Variants in SMOC2 observed in about 807,000 individuals in gnomAD.
SMOC2 encodes the protein SPARC related modular calcium binding 2.
Under a neutral mutation model 61.4 loss-of-function variants are expected in SMOC2, and 39 were observed. That is an observed-to-expected ratio of 0.64 (90% confidence interval 0.49 to 0.83). SMOC2 has a LOEUF of 0.83. SMOC2 is among the 40% of genes least tolerant of loss of function. The pLI is 0.00. For synonymous variants in SMOC2, 247 were observed against 239.9 expected (o/e 1.03, Z -0.27); for missense variants, 556 against 592.9 (o/e 0.94, Z 0.65).
chr6:168,539,289 G>A (rs933437384), intron 4 of SMOC2, among the ~76,000 whole-genome samples: 2 of 152,112 alleles, frequency 1.3e-5, no homozygotes, highest in Admixed American at 1.3e-4. Flanking sequence ...AGCCAGAGAG[G>A]CACCTGTTTG....
intron 8 of SMOC2, among the ~76,000 whole-genome samples, chr6:168,604,946 G>A (rs1191457577): frequency 1.3e-5 from 2 of 152,124 alleles, no homozygotes; most frequent in Admixed American, 6.5e-5. Flanking sequence ...GTCAAAATTG[G>A]CATCTTCGTC....
At chr6:168,470,469 G>A (rs1781945593) in intron 1 of SMOC2, among the ~76,000 whole-genome samples, 2 of 152,086 alleles carry the variant, frequency 1.3e-5, no homozygotes, top group Admixed American at 1.3e-4. Context: ...GAGTTCAAGA[G>A]TTTGAGACCA....
intron 9 of SMOC2, among the ~76,000 whole-genome samples, chr6:168,623,760 T>C (rs1210595023): frequency 6.6e-6 from 1 of 152,174 alleles, no homozygotes; most frequent in Non-Finnish European, 1.5e-5. Flanking sequence ...CCATCTAGTC[T>C]GGACAACATA....
At chr6:168,591,875 G>A (rs1266642058) in intron 7 of SMOC2, among the ~76,000 whole-genome samples, 1 of 151,980 alleles carries the variant, frequency 6.6e-6, no homozygotes, top group Non-Finnish European at 1.5e-5. Context: ...TATTGCAATA[G>A]GGATTTTGTA....
chr6:168,648,233 T>A (rs867452387), intron 9 of SMOC2, among the ~76,000 whole-genome samples: 1 of 152,216 alleles, frequency 6.6e-6, no homozygotes, highest in Non-Finnish European at 1.5e-5. Flanking sequence ...TGGAGGCCAG[T>A]GGAGGACTGG....
intron 1 of SMOC2, among the ~76,000 whole-genome samples, chr6:168,463,393 A>C (rs1781757104): frequency 2.0e-5 from 3 of 152,188 alleles, no homozygotes. Flanking sequence ...GCTGAAATAC[A>C]CGAGGCTCAT....
In SMOC2 at chr6:168,616,319, C is replaced by T. The variant is rs1019871054; in HGVS notation, c.907+8080C>T. On this transcript the variant is annotated intron_variant, in intron 9 of 12. Coordinates refer to ENST00000356284, the MANE Select transcript of SMOC2 (RefSeq NM_001166412.2). ...TGCACTCTGTGTCCATACAGGCTCA[C>T]GCCAGAACCAGCTGCTCAGGGCACA... 1.2e-4 allele frequency among the ~76,000 whole-genome samples: 19 copies of T among 152,196 alleles called. 1 individual carries two copies. The highest frequency in any genetic ancestry group is 8.8e-5 in the Non-Finnish European group (6 of 68,038).
intron 9 of SMOC2, among the ~76,000 whole-genome samples, chr6:168,634,424 G>A (rs1035975654): frequency 6.6e-6 from 1 of 152,100 alleles, no homozygotes; most frequent in African/African-American, 2.4e-5. Context: ...CTTCTTATGG[G>A]GATATTCTCC....
chr6:168,536,269 G>C (rs943816791), intron 4 of SMOC2, among the ~76,000 whole-genome samples: 8 of 152,150 alleles, frequency 5.3e-5, no homozygotes, highest in African/African-American at 1.9e-4. Flanking sequence ...AGGGGCCAGT[G>C]GGGGAGCCTG....
chr6:168,555,738 C>T (rs949396757), intron 7 of SMOC2, among the ~76,000 whole-genome samples: 3 of 152,282 alleles, frequency 2.0e-5, no homozygotes, highest in African/African-American at 7.2e-5. Flanking sequence ...CAGCCTGCAG[C>T]GGGGAGTGGC....
Position 168,510,061 on chromosome 6 carries a change from G to C in SMOC2, c.231G>C (p.Glu77Asp). The C allele has an allele frequency of 1.2e-6, 2 of 1,614,150 alleles. No individual in the cohort carries two copies. Among genetic ancestry groups the C allele is most frequent in the Non-Finnish European group, 1.7e-6 (2 of 1,179,998 alleles). The part of the protein sequence containing the change: ...QRAKCKDPQL[E>D]IAYRGNCKDV... ...CCAAGTGCAAAGATCCCCAGCTAGA[G>C]ATTGCATATCGAGGAAACTGCAAAG... Residue 77 changes from glutamate (E) to aspartate (D), a missense_variant, in exon 2 of 13, where the codon GAG becomes GAC. By Grantham distance (45) the Glu-to-Asp change is conservative. Transcript: ENST00000356284.
In SMOC2 at chr6:168,526,458, C is replaced by A. The variant is rs199848970; in HGVS notation, c.363+6C>A. The A allele has an allele frequency of 1.2e-6, 2 of 1,612,832 alleles. No homozygotes were observed. The highest frequency in any genetic ancestry group is 2.2e-5 in the South Asian group (2 of 91,044). On this transcript the variant is annotated splice_donor_region_variant and intron_variant, in intron 3 of 12. Coordinates refer to ENST00000356284, the MANE Select transcript of SMOC2 (RefSeq NM_001166412.2). The stretch of plus-strand genomic sequence containing the variant: ...ACGACGGCACCTACAGTCAGGTTAC[C>A]GGCCTTGCTTGGGAGGTTCTGCACC...
intron 7 of SMOC2, among the ~76,000 whole-genome samples, chr6:168,558,337 T>A (rs1784297038): frequency 6.6e-6 from 1 of 152,130 alleles, no homozygotes; most frequent in Admixed American, 6.5e-5. Context: ...CTAGGAACCA[T>A]CTTTTCTGCA....
At position 168,623,147 on chromosome 6, in the gene SMOC2, A is replaced by G. The variant is rs150813209; in HGVS notation, c.907+14908A>G. ...GTGCTCTATTGTCCAGGGTATCTCT[A>G]TAGAAATGCTCTAAATATAGGAAGC... On this transcript the variant is annotated intron_variant, in intron 9 of 12. Coordinates refer to ENST00000356284, the MANE Select transcript of SMOC2 (RefSeq NM_001166412.2). Among the ~76,000 whole-genome samples the G allele has an allele frequency of 5.3e-5, 8 of 152,252 alleles. No homozygotes were observed. In the East Asian group the frequency reaches 1.4e-3, roughly 26 times the overall value.
chr6:168,523,545 G>T (rs544573293), intron 2 of SMOC2, among the ~76,000 whole-genome samples: 1 of 119,180 alleles, frequency 8.4e-6, no homozygotes, highest in Non-Finnish European at 1.9e-5. Context: ...CTGCCACCAT[G>T]CCTGGCTAAT....
chr6:168,653,159 G>T lies in SMOC2; in HGVS notation c.1216G>T (p.Val406Leu), dbSNP rs138048760. 1 of 1,614,050 alleles carries T rather than the reference G, an allele frequency of 6.2e-7. No individual in the cohort carries two copies. Among genetic ancestry groups the T allele is most frequent in the Non-Finnish European group, 8.5e-7 (1 of 1,180,036 alleles). Residue 406 changes from valine to leucine, a missense_variant, in exon 11 of 13, where the codon GTA becomes TTA. Transcript: ENST00000356284. ...CDVNNDKSIS[V>L]QELMGCLGVA... Reference sequence around the variant, plus strand: ...CGTGAATAATGACAAATCCATCTCCGTACAAGAACTGATGGGCTGCCTGGG... The same window carrying T: ...CGTGAATAATGACAAATCCATCTCCTTACAAGAACTGATGGGCTGCCTGGG...
intron 11 of SMOC2, among the ~76,000 whole-genome samples, chr6:168,659,529 AGGATGGAGG>A (rs1787424002): frequency 2.1e-5 from 3 of 144,994 alleles, no homozygotes; most frequent in Non-Finnish European, 4.6e-5. Flanking sequence ...AGGTTGGGTG[AGGATGGAGG>A]TTGTTGGCTG....
At position 168,452,066 on chromosome 6, in the gene SMOC2, G is replaced by T. The variant is rs1048807494; in HGVS notation, c.84+10612G>T. Among the ~76,000 whole-genome samples, 1 of 152,212 alleles carries T rather than the reference G, an allele frequency of 6.6e-6. No homozygotes were observed. The highest frequency in any genetic ancestry group is 1.5e-5 in the Non-Finnish European group (1 of 68,044). On this transcript the variant is annotated intron_variant, in intron 1 of 12. Coordinates refer to ENST00000356284, the MANE Select transcript of SMOC2 (RefSeq NM_001166412.2). This position sits in a 1 kb window ranked among gnomAD's most constrained non-coding sequence, Gnocchi z 5.0. ...GCTGAGCTCTGTCTTTTAGGGGAGGGTCGCATGGTGGGGTCTGGGGTTACC... is the reference window on the plus strand; with the variant it reads ...GCTGAGCTCTGTCTTTTAGGGGAGGTTCGCATGGTGGGGTCTGGGGTTACC...
intron 2 of SMOC2, among the ~76,000 whole-genome samples, chr6:168,511,043 T>C (rs1383689194): frequency 1.3e-5 from 2 of 152,202 alleles, no homozygotes; most frequent in African/African-American, 2.4e-5. Flanking sequence ...CGCTTGATAT[T>C]GGCATTGCGA....
Sources: allele counts gnomAD v4.1 joint callset (sites outside exome capture counted in the v4.1 genomes callset), GRCh38; gene constraint gnomAD v4.1.1; non-coding constraint Gnocchi (gnomAD v3.1); transcripts MANE v1.5; gene names NCBI Gene and HGNC (gene_info 2026-07-23, HGNC 2026-07-21).